The following MALRD1 variants were observed in gnomAD, a reference collection of about 807,000 sequenced individuals.
The protein encoded by MALRD1 is MAM and LDL-receptor class A domain-containing protein 1.
In MALRD1, 247 loss-of-function variants were observed where a neutral mutation model predicts 242.1. That is an observed-to-expected ratio of 1.02 (90% CI 0.92 to 1.13). The LOEUF (loss-of-function observed/expected upper bound fraction) is 1.13. Ranked by LOEUF, MALRD1 falls within the 50% of genes most tolerant of loss-of-function variation. The pLI is 0.00. For missense variants in MALRD1, 2,989 were observed against 2,533.1 expected, an observed-to-expected ratio of 1.18 and a Z score of -3.86; for synonymous variants, 995 against 866.6, an observed-to-expected ratio of 1.15 and a Z score of -2.60.
At chr10:19,710,385 T>A (rs903606460) in intron 38 of MALRD1, 2 of 152,222 alleles carry the variant, frequency 1.3e-5, no homozygotes, top group Non-Finnish European at 2.9e-5. Flanking sequence ...ATTTCACGTG[T>A]ATTTCAAAAT....
intron 32 of MALRD1, among the ~76,000 whole-genome samples, chr10:19,540,611 G>T (rs1345853044): frequency 5.9e-5 from 9 of 152,112 alleles, no homozygotes; most frequent in Admixed American, 5.9e-4. Context: ...TTAATGAGCT[G>T]CTAAAAAGGC....
At chr10:19,409,989 C>A in intron 28 of MALRD1, among the ~76,000 whole-genome samples, 1 of 151,896 alleles carries the variant, frequency 6.6e-6, no homozygotes, top group East Asian at 1.9e-4. Context: ...ATGTTTAGAT[C>A]TGTAAAATCT....
chr10:19,270,320 TCTCTCTC>T (rs1564517363), intron 19 of MALRD1, among the ~76,000 whole-genome samples: 1 of 96,498 alleles, frequency 1.0e-5, no homozygotes, highest in African/African-American at 5.1e-5. Flanking sequence ...CTCTCTCTTC[TCTCTCTC>T]TCTCTCTCTC....
intron 36 of MALRD1, among the ~76,000 whole-genome samples, chr10:19,690,846 A>G (rs1349219974): frequency 2.6e-5 from 4 of 152,072 alleles, no homozygotes; most frequent in African/African-American, 9.7e-5. Context: ...GACAGCATTC[A>G]TATTCTTTCT....
intron 31 of MALRD1, among the ~76,000 whole-genome samples, chr10:19,519,404 A>G (rs1833781390): frequency 6.6e-6 from 1 of 152,162 alleles, no homozygotes; most frequent in Admixed American, 6.6e-5. Context: ...AGTTATTAAT[A>G]TTACTAATAT....
chr10:19,175,027 G>C (rs1428094307), intron 13 of MALRD1, among the ~76,000 whole-genome samples, 181 bp from the exon 14 acceptor site: 2 of 152,102 alleles, frequency 1.3e-5, no homozygotes, highest in Non-Finnish European at 2.9e-5. Context: ...TACATAAGAT[G>C]CTGTCAAAGC....
chr10:19,285,032 TG>T (rs1327845515), intron 21 of MALRD1, among the ~76,000 whole-genome samples: 2 of 107,828 alleles, frequency 1.9e-5, no homozygotes, highest in Non-Finnish European at 3.5e-5. Flanking sequence ...ATGTGTTTTT[TG>T]GCTGCATAAA....
intron 21 of MALRD1, among the ~76,000 whole-genome samples, chr10:19,298,580 C>T (rs965294322): frequency 2.0e-5 from 3 of 151,968 alleles, no homozygotes; most frequent in Non-Finnish European, 2.9e-5. Context: ...AAATGGGTAA[C>T]GTCACGACTG....
chr10:19,452,206 G>T (rs1835369046), intron 29 of MALRD1, among the ~76,000 whole-genome samples: 1 of 152,204 alleles, frequency 6.6e-6, no homozygotes, highest in Admixed American at 6.5e-5. Context: ...AAGGGAAGCA[G>T]AATGATTCCT....
At chr10:19,477,919 A>T (rs898669459) in intron 29 of MALRD1, among the ~76,000 whole-genome samples, 1 of 152,150 alleles carries the variant, frequency 6.6e-6, no homozygotes, top group Non-Finnish European at 1.5e-5. Context: ...GGGAAGTTGG[A>T]GCTGCCATGT....
rs188138950 is a variant in MALRD1 at position 19,731,118 on chromosome 10, A to G, written c.6390+337A>G. On this transcript the variant is annotated intron_variant, in intron 39 of 39. Transcript: ENST00000454679. ...TATTAGTCAGCTGCTTACAGTAACT[A>G]TTCATTGAATGTCTTTCATATTTTA... Among the ~76,000 whole-genome samples, 311 of 152,314 alleles carry G rather than the reference A, an allele frequency of 2.0e-3. 8 individuals carry two copies. In the East Asian group the frequency reaches 0.048, roughly 24 times the overall value.
intron 34 of MALRD1, among the ~76,000 whole-genome samples, chr10:19,603,771 G>T (rs992849566): frequency 6.6e-5 from 10 of 152,046 alleles, no homozygotes; most frequent in Admixed American, 1.3e-4. Flanking sequence ...ACTTCTTCAT[G>T]ACTATCATGT....
At chr10:19,249,957 G>A (rs1839229960) in intron 18 of MALRD1, among the ~76,000 whole-genome samples, 1 of 151,846 alleles carries the variant, frequency 6.6e-6, no homozygotes, top group East Asian at 1.9e-4. Flanking sequence ...GGGATTTGGT[G>A]TCTCCTTTTA....
intron 38 of MALRD1, among the ~76,000 whole-genome samples, chr10:19,720,569 A>T (rs1023932598): frequency 6.6e-6 from 1 of 152,124 alleles, no homozygotes; most frequent in African/African-American, 2.4e-5. Context: ...GCCTCTAATA[A>T]ATATACATAC....
chr10:19,169,278 G>A (rs1408085654), intron 13 of MALRD1, among the ~76,000 whole-genome samples: 3 of 152,056 alleles, frequency 2.0e-5, no homozygotes, highest in Non-Finnish European at 4.4e-5. Flanking sequence ...AAAGACTTTA[G>A]ATAAGGAACT....
chr10:19,077,003 C>G (rs1403173419), intron 2 of MALRD1, among the ~76,000 whole-genome samples: 3 of 151,736 alleles, frequency 2.0e-5, no homozygotes, highest in Non-Finnish European at 2.9e-5. Context: ...TTGTACAAAT[C>G]TTGATTTTTA....
chr10:19,539,902 G>A lies in MALRD1; in HGVS notation c.5478+8551G>A, dbSNP rs1246835297. Among the ~76,000 whole-genome samples the A allele has an allele frequency of 7.1e-3, 370 of 52,294 alleles. 6 individuals are homozygous for A. Among genetic ancestry groups the A allele is most frequent in the African/African-American group, 0.021 (347 of 16,564 alleles). 34.3% of individuals were successfully genotyped at this position (52,294 alleles called of 152,430 possible). On this transcript the variant is annotated intron_variant, in intron 32 of 39. Coordinates refer to ENST00000454679, the MANE Select transcript of MALRD1 (RefSeq NM_001142308.3). ...TGTGTGTGTGTGTGTGTGTGTGCGCGCGCGCGTGCGCGCACACACGCGCAG... is the reference window on the plus strand; with the variant it reads ...TGTGTGTGTGTGTGTGTGTGTGCGCACGCGCGTGCGCGCACACACGCGCAG...
intron 36 of MALRD1, among the ~76,000 whole-genome samples, chr10:19,664,180 C>T (rs905139879): frequency 6.6e-6 from 1 of 151,654 alleles, no homozygotes; most frequent in Non-Finnish European, 1.5e-5. Context: ...AATGCCTTTA[C>T]ACCATCTAAG....
chr10:19,414,207 C>T (rs7908470), intron 28 of MALRD1, among the ~76,000 whole-genome samples: 109,544 of 151,974 alleles, frequency 0.72, 40,982 homozygotes, highest in Non-Finnish European at 0.82. Flanking sequence ...TTTTCCAGAA[C>T]GTTGTCGTAG....
Sources: allele counts gnomAD v4.1 joint callset (sites outside exome capture counted in the v4.1 genomes callset), GRCh38; gene constraint gnomAD v4.1.1; transcripts MANE v1.5; gene names NCBI Gene and HGNC (gene_info 2026-07-23, HGNC 2026-07-21).